The following FNDC1 variants were observed in gnomAD, a reference collection of about 807,000 sequenced individuals.
The protein encoded by FNDC1 is fibronectin type III domain containing 1.
A neutral mutation model predicts 168.0 loss-of-function variants in FNDC1; 96 were observed. That is an observed-to-expected ratio of 0.57 (90% CI 0.48 to 0.68). FNDC1 has a LOEUF of 0.68. Ranked by LOEUF, FNDC1 falls within the 30% of genes least tolerant of loss-of-function variation. The pLI, the probability that FNDC1 is intolerant of heterozygous loss-of-function variation, is 0.00. For synonymous variants in FNDC1, 1,099 were observed against 1,025.9 expected (o/e 1.07, Z -1.36); for missense variants, 2,587 against 2,482.1 (o/e 1.04, Z -0.90).
At chr6:159,246,786 A>G (rs1240405071) in intron 14 of FNDC1, 115 bp from the exon 15 acceptor site, 4 of 701,184 alleles carry the variant, frequency 5.7e-6, no homozygotes, top group South Asian at 5.2e-5. Flanking sequence ...GGCCTTGGGG[A>G]CTTGTTTTCA....
intron 6 of FNDC1, among the ~76,000 whole-genome samples, chr6:159,221,989 C>A (rs1182786735): frequency 6.6e-6 from 1 of 152,138 alleles, no homozygotes; most frequent in Non-Finnish European, 1.5e-5. Context: ...CAGTGTGACC[C>A]AAGCCTAAAT....
In FNDC1 at chr6:159,199,510, T is replaced by C. The variant is rs143385831; in HGVS notation, c.305-486T>C. Among the ~76,000 whole-genome samples, 357 of 152,364 alleles carry C rather than the reference T, an allele frequency of 2.3e-3. 1 individual carries two copies. Among genetic ancestry groups the C allele is most frequent in the African/African-American group, 8.2e-3 (343 of 41,590 alleles). On this transcript the variant is annotated intron_variant, in intron 2 of 22. Transcript: ENST00000297267. ...GGAGAAAATTTCATGAAGCTTTATG[T>C]ATTGCAGTGAAGATTTCCCATGTGC...
intron 2 of FNDC1, 74 bp downstream of exon 2, chr6:159,197,699 G>A: frequency 7.4e-7 from 1 of 1,358,306 alleles, no homozygotes; most frequent in Non-Finnish European, 1.0e-6. Context: ...TTCTTAGGAT[G>A]ACTGTGAGAC....
At chr6:159,179,585 C>A (rs534842842) in intron 1 of FNDC1, among the ~76,000 whole-genome samples, 2 of 152,318 alleles carry the variant, frequency 1.3e-5, no homozygotes, top group African/African-American at 4.8e-5. Context: ...CCTATCCTTA[C>A]CCCCAGCACA....
In FNDC1 at chr6:159,231,933, A is replaced by T. The variant is rs756056485; in HGVS notation, c.1421A>T (p.Lys474Ile). The change falls in exon 11 of 23, where the codon AAA becomes ATA. Residue 474 changes from lysine (K) to isoleucine (I), a missense_variant. Physicochemically the swap from Lys to Ile is moderately radical, Grantham distance 102 (BLOSUM62 -3). Coordinates refer to ENST00000297267, the MANE Select transcript of FNDC1 (RefSeq NM_032532.3). The stretch of plus-strand genomic sequence containing the variant: ...ACGGAGGACAATGGGAAACCCGAAA[A>T]ACCTGAGCCTTCCTCACCTTCTCCC... ...QNTEDNGKPEKPEPSSPSPRA... is the reference protein window; with the variant it reads ...QNTEDNGKPEIPEPSSPSPRA... 1 of 1,613,328 alleles carries T rather than the reference A, an allele frequency of 6.2e-7. No individual in the cohort carries two copies.
intron 4 of FNDC1, among the ~76,000 whole-genome samples, chr6:159,211,548 A>C (rs1158822043): frequency 6.6e-6 from 1 of 152,162 alleles, no homozygotes; most frequent in East Asian, 1.9e-4. Flanking sequence ...TCTTTTGCTC[A>C]CATTTGGTTC....
At chr6:159,192,974 T>C (rs1782170273) in intron 1 of FNDC1, among the ~76,000 whole-genome samples, 1 of 152,158 alleles carries the variant, frequency 6.6e-6, no homozygotes. Flanking sequence ...TCATAGACTT[T>C]CCTCACGGAC....
In FNDC1 at chr6:159,232,337, C is replaced by T. The variant is rs775325375; in HGVS notation, c.1825C>T (p.Arg609Cys). 32 of 1,613,286 alleles carry T rather than the reference C, an allele frequency of 2.0e-5. 1 individual carries two copies. Among genetic ancestry groups the T allele is most frequent in the Non-Finnish European group, 1.6e-5 (19 of 1,179,704 alleles). ...KPGFSLATQPRPGAPPSASAS... is the reference protein window; with the variant it reads ...KPGFSLATQPCPGAPPSASAS... ...TGGCTTTTCCCTGGCCACGCAGCCCCGCCCAGGGGCGCCCCCCTCGGCTTC... is the reference window on the plus strand; with the variant it reads ...TGGCTTTTCCCTGGCCACGCAGCCCTGCCCAGGGGCGCCCCCCTCGGCTTC... Residue 609 changes from arginine to cysteine, a missense_variant, in exon 11 of 23, where the codon CGC (arginine) becomes TGC (cysteine). Transcript: ENST00000297267. This position sits in a 1 kb window ranked among gnomAD's most constrained non-coding sequence, Gnocchi z 4.9.
At position 159,226,520 on chromosome 6, in the gene FNDC1, A is replaced by G. The variant is rs1392939664; in HGVS notation, c.1120A>G (p.Lys374Glu). 1.9e-6 allele frequency: 3 copies of G among 1,612,406 alleles called. No individual in the cohort carries two copies. Among genetic ancestry groups the G allele is most frequent in the Non-Finnish European group, 2.5e-6 (3 of 1,179,344 alleles). The change falls in exon 9 of 23, where the codon AAA becomes GAA. Residue 374 changes from lysine (K) to glutamate (E), a missense_variant. Transcript: ENST00000297267. ...CTTGAACGTCTGGCCAGTCAATGGC[A>G]AACCTACAGTTGTCGCTGCATCTTG... ...ENLNVWPVNG[K>E]PTVVAASWDA...
Position 159,239,898 on chromosome 6 carries a change from A to G in FNDC1, c.4562A>G (p.Asp1521Gly). 1 of 1,530,058 alleles carries G rather than the reference A, an allele frequency of 6.5e-7. No homozygotes were observed. Among genetic ancestry groups the G allele is most frequent in the Non-Finnish European group, 8.8e-7 (1 of 1,134,790 alleles). The allele number at this position is 1,530,058 out of a possible 1,614,324, so 94.8% of individuals were successfully genotyped here. ...TCPPGTLERH[D>G]DDGNLIMSSN... ...CCCCCTGGGACCTTGGAACGGCACG[A>G]CGATGATGGCAACCTGATAATGAGC... The change falls in exon 14 of 23, where the codon GAC (aspartate) becomes GGC (glycine). Residue 1521 changes from aspartate (D) to glycine (G), a missense_variant. Physicochemically the swap from Asp to Gly is moderately conservative, Grantham distance 94. Coordinates refer to ENST00000297267, the MANE Select transcript of FNDC1 (RefSeq NM_032532.3).
intron 11 of FNDC1, among the ~76,000 whole-genome samples, chr6:159,235,649 AAAC>A (rs1411580340): frequency 6.6e-6 from 1 of 152,348 alleles, no homozygotes; most frequent in East Asian, 1.9e-4. Flanking sequence ...AGACAGACAG[AAAC>A]AACAAGTGTA....
chr6:159,207,022 G>C (rs914139679), intron 4 of FNDC1, among the ~76,000 whole-genome samples: 1 of 152,200 alleles, frequency 6.6e-6, no homozygotes. Context: ...GGAGACAGAG[G>C]TTTGTGTGAG....
chr6:159,177,945 A>T (rs925046294), intron 1 of FNDC1, among the ~76,000 whole-genome samples: 1 of 152,212 alleles, frequency 6.6e-6, no homozygotes, highest in African/African-American at 2.4e-5. Flanking sequence ...AAAATGTTTT[A>T]AAAAAGTTTT....
chr6:159,223,856 G>C (rs895786312), intron 7 of FNDC1, among the ~76,000 whole-genome samples: 2 of 152,208 alleles, frequency 1.3e-5, no homozygotes, highest in Admixed American at 6.5e-5. Flanking sequence ...GCAGGGCCTC[G>C]TGTGTAGTGC....
chr6:159,185,714 C>A (rs571847655), intron 1 of FNDC1, among the ~76,000 whole-genome samples: 1 of 152,296 alleles, frequency 6.6e-6, no homozygotes, highest in East Asian at 1.9e-4. Flanking sequence ...CAAACCTAAC[C>A]CCTTTAAAAT....
At chr6:159,189,709 G>T (rs1198640050) in intron 1 of FNDC1, among the ~76,000 whole-genome samples, 2 of 152,214 alleles carry the variant, frequency 1.3e-5, no homozygotes, top group Non-Finnish European at 2.9e-5. Context: ...AGTAAAGGAG[G>T]AAAGCTATTT....
At chr6:159,229,621 C>A (rs145481768) in intron 9 of FNDC1, among the ~76,000 whole-genome samples, 194 bp from the exon 10 acceptor site, 2,064 of 152,294 alleles carry the variant, frequency 0.014, 20 homozygotes, top group Middle Eastern at 0.048. Flanking sequence ...ATACATAGCC[C>A]TGTGTGGTTG....
At chr6:159,238,065 G>A (rs1783304855) in intron 12 of FNDC1, among the ~76,000 whole-genome samples, 1 of 151,240 alleles carries the variant, frequency 6.6e-6, no homozygotes, top group South Asian at 2.1e-4. Flanking sequence ...ATATGGGTAA[G>A]CAATTATAAT....
At chr6:159,244,608 T>A (rs1783500629) in intron 14 of FNDC1, among the ~76,000 whole-genome samples, 1 of 152,232 alleles carries the variant, frequency 6.6e-6, no homozygotes, top group African/African-American at 2.4e-5. Context: ...AATAATGACA[T>A]AGGAGTTTAT....
Sources: allele counts gnomAD v4.1 joint callset (sites outside exome capture counted in the v4.1 genomes callset), GRCh38; gene constraint gnomAD v4.1.1; non-coding constraint Gnocchi (gnomAD v3.1); transcripts MANE v1.5; gene names NCBI Gene and HGNC (gene_info 2026-07-23, HGNC 2026-07-21).